Variants in ATP12A observed in about 807,000 individuals in gnomAD.
ATP12A encodes potassium-transporting ATPase alpha chain 2.
In ATP12A, 81 loss-of-function variants were observed where a neutral mutation model predicts 111.2. That is an observed-to-expected ratio of 0.73 (90% CI 0.61 to 0.88). The LOEUF (loss-of-function observed/expected upper bound fraction) is 0.88, where lower values mean the gene tolerates loss of function less well. ATP12A is among the 40% of genes least tolerant of loss of function. The pLI is 0.00. For missense variants in ATP12A, 1,196 were observed against 1,313.1 expected, an observed-to-expected ratio of 0.91 and a Z score of 1.38; for synonymous variants, 498 against 499.8, an observed-to-expected ratio of 1.00 and a Z score of 0.05.
chr13:24,708,846 AAG>A (rs1193434785), intron 17 of ATP12A, among the ~76,000 whole-genome samples: 6 of 148,620 alleles, frequency 4.0e-5, no homozygotes, highest in South Asian at 2.1e-4. Context: ...GAAAGAGAGA[AAG>A]AGAGAGAGGG....
At chr13:24,682,060 G>A (rs1351739275) in intron 2 of ATP12A, among the ~76,000 whole-genome samples, 2 of 123,770 alleles carry the variant, frequency 1.6e-5, no homozygotes, top group Non-Finnish European at 3.4e-5. Flanking sequence ...TGTGTGTATG[G>A]TGTGTGTGTA....
chr13:24,693,729 A>T (rs962758212), intron 10 of ATP12A, among the ~76,000 whole-genome samples: 2 of 152,228 alleles, frequency 1.3e-5, no homozygotes, highest in African/African-American at 2.4e-5. Flanking sequence ...TCTATTTGTC[A>T]TTGGAACAGA....
chr13:24,703,569 A>T (rs1049774159), intron 14 of ATP12A: 1 of 152,238 alleles, frequency 6.6e-6, no homozygotes, highest in Admixed American at 6.5e-5. Flanking sequence ...AGAGTAGTCA[A>T]GTGCAGTAGT....
At chr13:24,689,482 C>A in intron 5 of ATP12A, 107 bp downstream of exon 5, 1 of 923,920 alleles carries the variant, frequency 1.1e-6, no homozygotes, top group Admixed American at 2.3e-5. Flanking sequence ...ACTTCCTTCC[C>A]TGTCGGAGCA....
chr13:24,696,988 G>T (rs1045839715), intron 11 of ATP12A, among the ~76,000 whole-genome samples: 1 of 152,148 alleles, frequency 6.6e-6, no homozygotes, highest in African/African-American at 2.4e-5. Context: ...AACAGTTTAC[G>T]GCAAATTGGA....
intron 1 of ATP12A, 42 bp downstream of exon 1, chr13:24,680,794 G>A (rs1313473914): frequency 1.4e-6 from 2 of 1,473,810 alleles, no homozygotes; most frequent in African/African-American, 1.5e-5. Flanking sequence ...CGAGACGCTG[G>A]GCCAAGGCCC....
intron 13 of ATP12A, among the ~76,000 whole-genome samples, chr13:24,701,307 T>C (rs1337203815): frequency 6.6e-6 from 1 of 151,820 alleles, no homozygotes; most frequent in Non-Finnish European, 1.5e-5. Flanking sequence ...AGACCAGCCA[T>C]GGCCAACATG....
At chr13:24,688,618 G>A (rs1011688290) in intron 4 of ATP12A, 96 bp downstream of exon 4, 4 of 1,233,254 alleles carry the variant, frequency 3.2e-6, no homozygotes, top group Non-Finnish European at 4.3e-6. Context: ...CTGCCTAGGT[G>A]TGGGAAAGTC....
chr13:24,709,889 G>T, intron 19 of ATP12A, 61 bp downstream of exon 19: 1 of 1,597,162 alleles, frequency 6.3e-7, no homozygotes, highest in East Asian at 2.2e-5. Flanking sequence ...ATTGCCCTGC[G>T]CAGAATTACA....
At chr13:24,706,509 C>G (rs2137719401) in intron 15 of ATP12A, 46 bp downstream of exon 15, 1 of 1,599,184 alleles carries the variant, frequency 6.3e-7, no homozygotes, top group Middle Eastern at 1.7e-4. Flanking sequence ...CCATCACTGT[C>G]CATGGGCAAG....
At chr13:24,692,733 T>A (rs1032913457) in intron 9 of ATP12A, 54 bp from the exon 10 acceptor site, 54 of 1,601,518 alleles carry the variant, frequency 3.4e-5, no homozygotes, top group Non-Finnish European at 4.5e-5. Context: ...GGACAGTGAC[T>A]CATGGACGGC....
In ATP12A at chr13:24,708,957, G is replaced by GAA. The variant is rs1164295428; in HGVS notation, c.2494-405_2494-404dup. ...AGAAAGAAAGAAAGAAAGAAAGAAA[G>GAA]AAAGAAGGAAAGAGAAAGAGAAATG... is the stretch of plus-strand genomic sequence containing the variant. On this transcript the variant is annotated intron_variant, in intron 17 of 22. Coordinates refer to ENST00000381946, the MANE Select transcript of ATP12A (RefSeq NM_001676.7). 3.1e-4 allele frequency among the ~76,000 whole-genome samples: 39 copies of GAA among 127,660 alleles called. 1 individual carries two copies. Among genetic ancestry groups the GAA allele is most frequent in the African/African-American group, 9.7e-4 (35 of 35,960 alleles). The allele number at this position is 127,660 out of a possible 152,430, so 83.7% of individuals were successfully genotyped here. A position where few individuals can be genotyped will look rare whatever the true frequency, so the allele number is the denominator to read the frequency against.
rs1156872671 is a variant in ATP12A, at chr13:24,691,185, T to G, written c.1003T>G (p.Ser335Ala). ...AVSLKYQVLD[S>A]IIFLIGIIVA... is the part of the protein sequence containing the mutation. ...GTCCCTGAAGTATCAAGTCCTGGAC[T>G]CCATCATCTTCCTCATTGGCATCAT... Residue 335 changes from serine to alanine, a missense_variant, in exon 8 of 23, where the codon TCC becomes GCC. By Grantham distance (99) the Ser-to-Ala change is moderately conservative (BLOSUM62 1). Coordinates refer to ENST00000381946, the MANE Select transcript of ATP12A (RefSeq NM_001676.7). 7 of 1,614,016 alleles carry G rather than the reference T, an allele frequency of 4.3e-6. No homozygotes were observed. The African/African-American group carries it at 5.3e-5, about 12-fold the overall frequency.
chr13:24,682,753 G>A, intron 2 of ATP12A, among the ~76,000 whole-genome samples: 1 of 152,300 alleles, frequency 6.6e-6, no homozygotes, highest in Non-Finnish European at 1.5e-5. Context: ...GGCCCCATCA[G>A]AGTCCCACTT....
intron 8 of ATP12A, 146 bp downstream of exon 8, chr13:24,691,396 G>C: frequency 9.5e-7 from 1 of 1,051,024 alleles, no homozygotes; most frequent in South Asian, 1.7e-5. Flanking sequence ...ATTCTGCATA[G>C]ACTGTTCCTT....
rs1566078760 is a variant in ATP12A, at chr13:24,709,670, CTTG to C, written c.2618-10_2618-8del. Reference sequence around the variant, plus strand: ...ATCATAGAACCTGTGTCCTATCTCTCTTGTTCTTTCAGGCCTCATGCAAGCCCT... The same window carrying C: ...ATCATAGAACCTGTGTCCTATCTCTCTTCTTTCAGGCCTCATGCAAGCCCT... On this transcript the variant is annotated splice_polypyrimidine_tract_variant and intron_variant, in intron 18 of 22. Coordinates refer to ENST00000381946, the MANE Select transcript of ATP12A (RefSeq NM_001676.7). 1 of 1,613,934 alleles carries C rather than the reference CTTG, an allele frequency of 6.2e-7. No homozygotes were observed. Among genetic ancestry groups the C allele is most frequent in the East Asian group, 2.2e-5 (1 of 44,860 alleles).
rs1215240617 is a variant in ATP12A at position 24,691,169 on chromosome 13, G to A, written c.987G>A (p.Lys329=). 1 of 1,614,068 alleles carries A rather than the reference G, an allele frequency of 6.2e-7. No individual in the cohort carries two copies. Among genetic ancestry groups the A allele is most frequent in the Non-Finnish European group, 8.5e-7 (1 of 1,180,050 alleles). ...TCTTCATCATCGCTGTGTCCCTGAA[G>A]TATCAAGTCCTGGACTCCATCATCT... The part of the protein sequence containing the change: ...ILFFIIAVSL[K]YQVLDSIIFL... Residue 329 remains lysine (K), a synonymous_variant, in exon 8 of 23, where the codon AAG becomes AAA. Transcript: ENST00000381946.
chr13:24,711,283 G>A (rs2137727097), intron 21 of ATP12A, 35 bp from the exon 22 acceptor site: 1 of 1,558,508 alleles, frequency 6.4e-7, no homozygotes, highest in Non-Finnish European at 8.7e-7. Flanking sequence ...CCCTGTGGAT[G>A]AGTCAGGGTT....
chr13:24,685,202 C>T lies in ATP12A; in HGVS notation c.169-112C>T, dbSNP rs999756591. On this transcript the variant is annotated intron_variant, in intron 2 of 22. Coordinates refer to ENST00000381946, the MANE Select transcript of ATP12A (RefSeq NM_001676.7). This position sits in a 1 kb window ranked among gnomAD's most constrained non-coding sequence, Gnocchi z 5.5. ...TCTCCTGTCCCCCACACTCCTCGAT[C>T]CCCTCCCATCCTCAGGGCTGCTACT... 28 of 980,690 alleles carry T rather than the reference C, an allele frequency of 2.9e-5. No individual in the cohort carries two copies. Among genetic ancestry groups the T allele is most frequent in the African/African-American group, 2.7e-4 (17 of 62,826 alleles). 60.7% of individuals were successfully genotyped at this position (980,690 alleles called of 1,614,324 possible).
Sources: allele counts gnomAD v4.1 joint callset (sites outside exome capture counted in the v4.1 genomes callset), GRCh38; gene constraint gnomAD v4.1.1; non-coding constraint Gnocchi (gnomAD v3.1); transcripts MANE v1.5; gene names NCBI Gene and HGNC (gene_info 2026-07-23, HGNC 2026-07-21).